ZBTB8A: variants seen among roughly 807,000 people sequenced by gnomAD.
ZBTB8A encodes the protein zinc finger and BTB domain containing 8A.
Under a neutral mutation model 37.8 loss-of-function variants are expected in ZBTB8A, and 19 were observed. That is an observed-to-expected ratio of 0.50 (90% confidence interval 0.35 to 0.74). The LOEUF (loss-of-function observed/expected upper bound fraction) is 0.74, where lower values mean the gene tolerates loss of function less well. ZBTB8A is among the 30% of genes least tolerant of loss of function. The probability of loss-of-function intolerance (pLI) is 0.01; values close to 1 mark genes in which losing one functional copy is unlikely to be tolerated. For synonymous variants in ZBTB8A, 181 were observed against 185.2 expected (o/e 0.98, Z 0.19); for missense variants, 394 against 537.8 (o/e 0.73, Z 2.65).
intron 1 of ZBTB8A, among the ~76,000 whole-genome samples, chr1:32,543,019 T>A (rs1186636408): frequency 6.6e-6 from 1 of 152,168 alleles, no homozygotes; most frequent in East Asian, 1.9e-4. Context: ...TATGTTAAAA[T>A]CCTTTCAATG....
chr1:32,564,250 T>A (rs1310541620), intron 2 of ZBTB8A, among the ~76,000 whole-genome samples: 1 of 152,186 alleles, frequency 6.6e-6, no homozygotes, highest in Non-Finnish European at 1.5e-5. Flanking sequence ...GAACTCAAGA[T>A]GATTGGTATT....
chr1:32,579,374 C>G (rs1215545701), intron 2 of ZBTB8A, among the ~76,000 whole-genome samples: 4 of 151,738 alleles, frequency 2.6e-5, no homozygotes, highest in African/African-American at 9.7e-5. Flanking sequence ...TCACTTCAAC[C>G]CGGGAGGCGG....
chr1:32,542,587 T>C (rs781130685), intron 1 of ZBTB8A, among the ~76,000 whole-genome samples: 1 of 152,094 alleles, frequency 6.6e-6, no homozygotes, highest in South Asian at 2.1e-4. Context: ...AAAAGAGAGT[T>C]GATCTTCTCA....
Position 32,594,442 on chromosome 1 carries a change from TACTC to T in ZBTB8A, c.824-610_824-607del, listed in dbSNP as rs555599974. ...ATAGTTTTTTTTTTTCCTGTGTACT[TACTC>T]AGAGGAGTATTTAGCTTATTAAGAT... On this transcript the variant is annotated intron_variant, in intron 3 of 4. Coordinates refer to ENST00000373510, the MANE Select transcript of ZBTB8A (RefSeq NM_001040441.3). 2.2e-3 allele frequency among the ~76,000 whole-genome samples: 338 copies of T among 152,078 alleles called. 1 individual carries two copies. The highest frequency in any genetic ancestry group is 7.7e-3 in the African/African-American group (318 of 41,490).
chr1:32,563,611 C>T (rs935156677), intron 2 of ZBTB8A, among the ~76,000 whole-genome samples: 4 of 151,912 alleles, frequency 2.6e-5, no homozygotes, highest in Non-Finnish European at 4.4e-5. Flanking sequence ...TACAGGCGCC[C>T]GCCACCACAC....
intron 1 of ZBTB8A, among the ~76,000 whole-genome samples, chr1:32,552,380 C>T (rs1644163319): frequency 1.3e-5 from 2 of 152,066 alleles, no homozygotes; most frequent in South Asian, 2.1e-4. Context: ...AACCAAATGG[C>T]CAGGCGTGGT....
At chr1:32,558,438 A>AACACACACACACACAAACAC (rs1644219336) in intron 2 of ZBTB8A, among the ~76,000 whole-genome samples, 1 of 145,672 alleles carries the variant, frequency 6.9e-6, no homozygotes, top group Non-Finnish European at 1.5e-5. Context: ...CTAAGTATTA[A>AACACACACACACACAAACAC]ACACACACAC....
At chr1:32,549,730 C>A (rs1644136095) in intron 1 of ZBTB8A, among the ~76,000 whole-genome samples, 1 of 152,022 alleles carries the variant, frequency 6.6e-6, no homozygotes, top group Admixed American at 6.6e-5. Context: ...AGAGTGAGAC[C>A]CTGCCTCTGA....
chr1:32,590,341 CT>C (rs765306619), intron 2 of ZBTB8A, among the ~76,000 whole-genome samples: 2 of 151,766 alleles, frequency 1.3e-5, no homozygotes, highest in Non-Finnish European at 1.5e-5. Context: ...CACCTAAGGC[CT>C]TTTTTTTCCC....
At chr1:32,576,621 G>C (rs1231687946) in intron 2 of ZBTB8A, among the ~76,000 whole-genome samples, 2 of 152,096 alleles carry the variant, frequency 1.3e-5, no homozygotes, top group Non-Finnish European at 2.9e-5. Flanking sequence ...TAGAGACGGG[G>C]TCTCACTATG....
At position 32,569,242 on chromosome 1, in the gene ZBTB8A, C is replaced by CTAT. The variant is rs548562734; in HGVS notation, c.-2+15706_-2+15708dup. The stretch of plus-strand genomic sequence containing the variant: ...TTCATGTGCTTATTTTGTTTGTTTT[C>CTAT]TATTATGAAGTGTCTGTTCAAATCA... On this transcript the variant is annotated intron_variant, in intron 2 of 4. Transcript: ENST00000373510. Among the ~76,000 whole-genome samples, 8 of 152,070 alleles carry CTAT rather than the reference C, an allele frequency of 5.3e-5. No individual in the cohort carries two copies. The East Asian group carries it at 1.2e-3, about 22-fold the overall frequency.
At chr1:32,556,328 A>G (rs1472627895) in intron 2 of ZBTB8A, among the ~76,000 whole-genome samples, 5 of 151,964 alleles carry the variant, frequency 3.3e-5, no homozygotes, top group African/African-American at 1.2e-4. Context: ...TCAGCCTCCC[A>G]AAGTGCTAGG....
At chr1:32,584,397 T>C (rs1224868342) in intron 2 of ZBTB8A, among the ~76,000 whole-genome samples, 4 of 151,246 alleles carry the variant, frequency 2.6e-5, no homozygotes, top group Non-Finnish European at 5.9e-5. Context: ...AAACACTTAA[T>C]ACAATTTAGC....
intron 4 of ZBTB8A, among the ~76,000 whole-genome samples, chr1:32,596,479 G>T (rs1237666353): frequency 6.6e-6 from 1 of 152,110 alleles, no homozygotes; most frequent in Non-Finnish European, 1.5e-5. Flanking sequence ...TACTCAGGAG[G>T]CTGAGGCACG....
rs1279406927 is a variant in ZBTB8A, at chr1:32,595,054, A to G, written c.824A>G (p.Asp275Gly). The change falls in exon 4 of 5, where the codon GAT (aspartate) becomes GGT (glycine). Residue 275 changes from aspartate (D) to glycine (G), a missense_variant and splice_region_variant. Physicochemically the swap from Asp to Gly is moderately conservative, Grantham distance 94 (BLOSUM62 -1). Around this residue, in one of 4 missense-constraint regions of ZBTB8A, gnomAD observed 171 missense variants for 186.8 expected, o/e 0.92. Coordinates refer to ENST00000373510, the MANE Select transcript of ZBTB8A (RefSeq NM_001040441.3). Reference sequence around the variant, plus strand: ...ATTTAATCAAAGCGTCTCTTGACAGATGATCTGCCTCGGATGCGATTCAAG... The same window carrying G: ...ATTTAATCAAAGCGTCTCTTGACAGGTGATCTGCCTCGGATGCGATTCAAG... ...GSDVTSKSFP[D>G]DLPRMRFKCP... 3.1e-6 allele frequency: 5 copies of G among 1,613,102 alleles called. No individual in the cohort carries two copies. The highest frequency in any genetic ancestry group is 1.1e-5 in the South Asian group (1 of 90,966).
At chr1:32,586,498 A>T (rs1644450685) in intron 2 of ZBTB8A, among the ~76,000 whole-genome samples, 1 of 152,128 alleles carries the variant, frequency 6.6e-6, no homozygotes, top group Non-Finnish European at 1.5e-5. Context: ...CAGATAATAA[A>T]CAAATACATA....
At chr1:32,567,825 A>AAAAAAAAAACAAAAAC (rs1644294123) in intron 2 of ZBTB8A, among the ~76,000 whole-genome samples, 2 of 63,694 alleles carry the variant, frequency 3.1e-5, no homozygotes, top group Non-Finnish European at 5.3e-5. Context: ...AAAAAAAAAC[A>AAAAAAAAAACAAAAAC]AAAACAAAAC....
At chr1:32,577,907 A>G (rs1198618780) in intron 2 of ZBTB8A, among the ~76,000 whole-genome samples, 2 of 151,278 alleles carry the variant, frequency 1.3e-5, no homozygotes, top group Admixed American at 6.6e-5. Context: ...TTTGATTTCT[A>G]TAAATTTTTT....
chr1:32,585,848 C>T (rs1368334217), intron 2 of ZBTB8A, among the ~76,000 whole-genome samples: 2 of 150,038 alleles, frequency 1.3e-5, no homozygotes, highest in Non-Finnish European at 3.0e-5. Flanking sequence ...GCTAAAAATA[C>T]AAAAATCAGC....
Sources: allele counts gnomAD v4.1 joint callset (sites outside exome capture counted in the v4.1 genomes callset), GRCh38; gene constraint gnomAD v4.1.1; regional missense constraint gnomAD v4.1.1; transcripts MANE v1.5; gene names NCBI Gene and HGNC (gene_info 2026-07-23, HGNC 2026-07-21).